The following MEIOB variants were observed in gnomAD, a reference collection of about 807,000 sequenced individuals.
MEIOB encodes meiosis-specific with OB domain-containing protein.
A neutral mutation model predicts 53.1 loss-of-function variants in MEIOB; 50 were observed. The ratio of observed to expected loss-of-function variants is 0.94; its 90% CI spans 0.75 to 1.19. The LOEUF (loss-of-function observed/expected upper bound fraction) is 1.19, where lower values mean the gene tolerates loss of function less well. MEIOB is among the 50% of genes most tolerant of loss of function. The pLI is 0.00. For synonymous variants in MEIOB, 192 were observed against 182.5 expected (o/e 1.05, Z -0.42); for missense variants, 551 against 550.8 (o/e 1.00, Z 0.00).
rs2150821415 is a variant in MEIOB at position 1,860,455 on chromosome 16, T to C, written c.280A>G (p.Ile94Val). ...TCTCTTTCTATTTCCTTTCTTTGGA[T>C]CAGAGGATTTTCAATTATCACTAAA... ...GDCVIIENPL[I>V]QRKEIEREEK... Residue 94 changes from isoleucine (I) to valine (V), a missense_variant, in exon 5 of 14, where the codon ATC becomes GTC. Coordinates refer to ENST00000325962, the MANE Select transcript of MEIOB (RefSeq NM_001163560.3). 6.5e-7 allele frequency: 1 copy of C among 1,545,864 alleles called. No homozygotes were observed. The highest frequency in any genetic ancestry group is 2.4e-5 in the East Asian group (1 of 40,826).
chr16:1,863,885 C>T (rs992444830), intron 3 of MEIOB, among the ~76,000 whole-genome samples: 4 of 152,080 alleles, frequency 2.6e-5, no homozygotes, highest in Admixed American at 1.3e-4. Flanking sequence ...CCTGGCTGGG[C>T]GCAGTTGCTC....
intron 12 of MEIOB, chr16:1,838,160 T>TTGTTTTA (rs1227129690): frequency 1.6e-5 from 8 of 509,038 alleles, no homozygotes; most frequent in Middle Eastern, 2.8e-4. Flanking sequence ...CTCTGGCTAA[T>TTGTTTTA]TGTTTTATGT....
At chr16:1,871,514 C>T (rs1899746895) in intron 1 of MEIOB, among the ~76,000 whole-genome samples, 1 of 135,430 alleles carries the variant, frequency 7.4e-6, no homozygotes, top group Non-Finnish European at 1.6e-5. Context: ...CCACCGCGCC[C>T]GGCCCTTTTT....
At chr16:1,851,273 C>T (rs1484968650) in intron 9 of MEIOB, among the ~76,000 whole-genome samples, 1 of 152,192 alleles carries the variant, frequency 6.6e-6, no homozygotes, top group Non-Finnish European at 1.5e-5. Context: ...GTGTTCCTCC[C>T]ACACATAGGC....
In MEIOB at chr16:1,862,658, C is replaced by T. The variant is rs190183628; in HGVS notation, c.128-542G>A. Among the ~76,000 whole-genome samples the T allele has an allele frequency of 8.5e-4, 129 of 152,082 alleles. 1 individual carries two copies. The highest frequency in any genetic ancestry group is 1.2e-3 in the Non-Finnish European group (82 of 67,994). ...AAAATAGGCCGGGCGCAATGGCTCA[C>T]GCCTGTAATCCTAACACTTTGGGAG... On this transcript the variant is annotated intron_variant, in intron 3 of 13. Transcript: ENST00000325962.
intron 9 of MEIOB, among the ~76,000 whole-genome samples, chr16:1,848,900 G>A (rs1442804369): frequency 2.0e-5 from 3 of 152,106 alleles, no homozygotes; most frequent in African/African-American, 7.2e-5. Flanking sequence ...TTCGGGTCCA[G>A]GAATATGACA....
chr16:1,869,223 C>T (rs1199505390), intron 1 of MEIOB, among the ~76,000 whole-genome samples: 3 of 152,256 alleles, frequency 2.0e-5, no homozygotes, highest in Non-Finnish European at 2.9e-5. Context: ...CTCCCAGGCT[C>T]AAGCGATTCT....
chr16:1,867,990 G>T (rs1031913483), intron 2 of MEIOB, 117 bp downstream of exon 2: 1 of 556,194 alleles, frequency 1.8e-6, no homozygotes, highest in South Asian at 2.8e-5. Flanking sequence ...CCAATGCAAT[G>T]AGTATCTATA....
chr16:1,861,031 G>A (rs1476590535), intron 4 of MEIOB, among the ~76,000 whole-genome samples: 5 of 152,044 alleles, frequency 3.3e-5, no homozygotes, highest in South Asian at 2.1e-4. Context: ...AGTTCCACAC[G>A]TTATACTAGG....
intron 12 of MEIOB, among the ~76,000 whole-genome samples, chr16:1,838,716 A>G (rs559301311): frequency 6.6e-6 from 1 of 151,956 alleles, no homozygotes; most frequent in Non-Finnish European, 1.5e-5. Flanking sequence ...ATTTGGAGAC[A>G]AGTCTTGCTC....
chr16:1,839,751 G>T, intron 11 of MEIOB: 1 of 269,774 alleles, frequency 3.7e-6, no homozygotes, highest in Non-Finnish European at 7.1e-6. Context: ...ATCCCAGCCT[G>T]CAGCCTTTCT....
intron 9 of MEIOB, among the ~76,000 whole-genome samples, chr16:1,847,014 G>A (rs1899043153): frequency 6.6e-6 from 1 of 151,784 alleles, no homozygotes; most frequent in South Asian, 2.1e-4. Flanking sequence ...AATTAGCCAG[G>A]CATGGTGGCA....
intron 9 of MEIOB, among the ~76,000 whole-genome samples, chr16:1,849,846 C>T (rs888603678): frequency 3.0e-4 from 46 of 152,108 alleles, no homozygotes; most frequent in African/African-American, 1.1e-3. Context: ...ACAGATTTTA[C>T]GTGTTCTCAC....
intron 9 of MEIOB, among the ~76,000 whole-genome samples, chr16:1,846,030 A>G (rs1213572603): frequency 1.3e-5 from 2 of 152,238 alleles, no homozygotes; most frequent in East Asian, 1.9e-4. Flanking sequence ...GCCAGCACGC[A>G]GTGTCCCACG....
At chr16:1,866,711 A>T (rs1231538838) in intron 2 of MEIOB, among the ~76,000 whole-genome samples, 1 of 151,572 alleles carries the variant, frequency 6.6e-6, no homozygotes, top group African/African-American at 2.4e-5. Context: ...ACAGAGCAGG[A>T]CTCCATCGCA....
intron 9 of MEIOB, among the ~76,000 whole-genome samples, chr16:1,847,545 A>T (rs1899055794): frequency 6.9e-6 from 1 of 145,144 alleles, no homozygotes; most frequent in African/African-American, 2.5e-5. Context: ...CTGAGGCAGG[A>T]GGATTTCTTG....
chr16:1,851,601 C>T (rs1251150250), intron 9 of MEIOB, among the ~76,000 whole-genome samples: 1 of 152,162 alleles, frequency 6.6e-6, no homozygotes, highest in Non-Finnish European at 1.5e-5. Flanking sequence ...GCATGCACAT[C>T]TCCTCCCATG....
chr16:1,858,129 T>G (rs1899355204), intron 5 of MEIOB, among the ~76,000 whole-genome samples, 199 bp from the exon 6 acceptor site: 1 of 152,220 alleles, frequency 6.6e-6, no homozygotes, highest in Non-Finnish European at 1.5e-5. Context: ...GTTTTGAGAA[T>G]TGATTCGTGT....
intron 3 of MEIOB, among the ~76,000 whole-genome samples, chr16:1,864,694 G>T (rs1293359102): frequency 6.6e-6 from 1 of 151,890 alleles, no homozygotes; most frequent in African/African-American, 2.4e-5. Context: ...CTACATGTTG[G>T]TTAGGCTGGT....
Sources: gnomAD v4.1 joint callset for allele counts (sites outside exome capture counted in the v4.1 genomes callset) on GRCh38, gnomAD v4.1.1 for gene constraint, MANE v1.5 for transcripts, NCBI Gene and HGNC (gene_info 2026-07-23, HGNC 2026-07-21) for gene names.